The following ADCK2 variants were observed in gnomAD, a reference collection of about 807,000 sequenced individuals.
The protein encoded by ADCK2 is uncharacterized aarF domain-containing protein kinase 2.
In ADCK2, 37 loss-of-function variants were observed where a neutral mutation model predicts 52.3. The ratio of observed to expected loss-of-function variants is 0.71; its 90% CI spans 0.54 to 0.93. The LOEUF (loss-of-function observed/expected upper bound fraction) is 0.93, where lower values mean the gene tolerates loss of function less well. Among genes scored for constraint, ADCK2 ranks in the 40% least tolerant of loss-of-function variants. ADCK2 has a pLI of 0.00. For missense variants in ADCK2, 695 were observed against 798.7 expected (o/e 0.87, Z 1.56); for synonymous variants, 321 against 349.2 (o/e 0.92, Z 0.90).
chr7:140,677,711 C>T (rs887331015), intron 2 of ADCK2, among the ~76,000 whole-genome samples: 1 of 152,106 alleles, frequency 6.6e-6, no homozygotes, highest in Non-Finnish European at 1.5e-5. Flanking sequence ...GAGGGAGGCC[C>T]TGGAAGCAAT....
intron 6 of ADCK2, 98 bp from the exon 7 acceptor site, chr7:140,690,662 T>G (rs1196698634): frequency 3.9e-5 from 38 of 973,336 alleles, no homozygotes; most frequent in African/African-American, 1.1e-4. Flanking sequence ...GGCGGGGGAG[T>G]GGGGTGGGAT....
intron 4 of ADCK2, among the ~76,000 whole-genome samples, chr7:140,683,992 G>A (rs187386887): frequency 7.9e-4 from 120 of 152,310 alleles, no homozygotes; most frequent in Non-Finnish European, 8.8e-5. Context: ...GGCCATGGGA[G>A]AGGAGGTTTA....
rs919362910 is a variant in ADCK2, at chr7:140,674,449, G to A, written c.934-162G>A. Reference sequence around the variant, plus strand: ...TGTGAATAGTCTGATAGAGGAAAATGAACTGAGTCTGGAGTGAACTAACTG... The same window carrying A: ...TGTGAATAGTCTGATAGAGGAAAATAAACTGAGTCTGGAGTGAACTAACTG... On this transcript the variant is annotated intron_variant, in intron 1 of 7. Transcript: ENST00000072869. The surrounding 1 kb of genome is among the most constrained non-coding windows in gnomAD (Gnocchi z 4.6). The A allele has an allele frequency of 5.4e-6, 6 of 1,117,608 alleles. No homozygotes were observed. The African/African-American group carries it at 7.9e-5, about 15-fold the overall frequency. The allele number at this position is 1,117,608 out of a possible 1,614,324, so 69.2% of individuals were successfully genotyped here.
chr7:140,689,576 CTTTTCCGTTGCA>C lies in ADCK2; in HGVS notation c.1558-14_1558-3del. 1 of 1,583,816 alleles carries C rather than the reference CTTTTCCGTTGCA, an allele frequency of 6.3e-7. No individual in the cohort carries two copies. Among genetic ancestry groups the C allele is most frequent in the South Asian group, 1.1e-5 (1 of 87,936 alleles). ...TTTATGCTAGCTCCACTCCAAGTCC[CTTTTCCGTTGCA>C]TTTTCCAGGGCCAGAGAGTGGCTGA... On this transcript the variant is annotated splice_polypyrimidine_tract_variant and intron_variant, in intron 5 of 7. Transcript: ENST00000072869.
chr7:140,679,319 CTT>C, intron 3 of ADCK2, 36 bp downstream of exon 3: 1 of 1,610,876 alleles, frequency 6.2e-7, no homozygotes, highest in South Asian at 1.1e-5. Flanking sequence ...ATACCTTTCA[CTT>C]GCCACTCGCA....
At chr7:140,680,857 G>A (rs1468943007) in intron 3 of ADCK2, among the ~76,000 whole-genome samples, 185 bp from the exon 4 acceptor site, 2 of 152,040 alleles carry the variant, frequency 1.3e-5, no homozygotes, top group African/African-American at 4.8e-5. Flanking sequence ...ATCCTCCCAA[G>A]GTGCTAGGAT....
Position 140,674,158 on chromosome 7 carries a change from GCTC to G in ADCK2, c.833_835del (p.Leu278del), listed in dbSNP as rs763002037. 1.9e-6 allele frequency: 3 copies of G among 1,614,094 alleles called. No homozygotes were observed. The South Asian group carries it at 3.3e-5, about 18-fold the overall frequency. ...CAGACCAGTCGTTTCTAGAAAGGCT[GCTC>G]CTCCCTAAAGCTGACCTGGTTGGAT... On this transcript the variant is annotated inframe_deletion, in exon 1 of 8. Transcript: ENST00000072869. The surrounding 1 kb of genome is among the most constrained non-coding windows in gnomAD (Gnocchi z 4.6).
Position 140,673,371 on chromosome 7 carries a change from C to A in ADCK2, c.41C>A (p.Ser14Ter), listed in dbSNP as rs1180209015. The change falls in exon 1 of 8, where the codon TCG becomes TAG. Residue 14 changes from serine to a stop codon, truncating the protein, a stop_gained. Transcript: ENST00000072869. LOFTEE classifies it high-confidence loss of function. The surrounding 1 kb of genome is among the most constrained non-coding windows in gnomAD (Gnocchi z 6.4). ...CGCGTCTCCGTCAGGGTTTGCCTGT[C>A]GCACCTGAGGTGCTTCGAGCTCAGA... ...PWRVSVRVCL[S>*]HLRCFELRQG... 6.6e-7 allele frequency: 1 copy of A among 1,505,902 alleles called. No homozygotes were observed. Among genetic ancestry groups the A allele is most frequent in the South Asian group, 1.3e-5 (1 of 77,064 alleles). 93.3% of individuals were successfully genotyped at this position (1,505,902 alleles called of 1,614,324 possible). A position where few individuals can be genotyped will look rare whatever the true frequency, so the allele number is the denominator to read the frequency against.
intron 2 of ADCK2, among the ~76,000 whole-genome samples, chr7:140,677,949 G>A (rs565363161): frequency 6.6e-6 from 1 of 152,314 alleles, no homozygotes; most frequent in African/African-American, 2.4e-5. Flanking sequence ...GCCAGGTCTT[G>A]GGTGGTAAAA....
At chr7:140,687,278 T>G (rs1794622600) in intron 5 of ADCK2, 37 bp downstream of exon 5, 12 of 1,512,876 alleles carry the variant, frequency 7.9e-6, no homozygotes, top group African/African-American at 1.4e-5. Flanking sequence ...TGGGGTGAAT[T>G]TTTTTTAATT....
At position 140,673,303 on chromosome 7, in the gene ADCK2, G is replaced by C; in HGVS notation, c.-28G>C. On this transcript the variant is annotated 5_prime_UTR_variant, in exon 1 of 8. Coordinates refer to ENST00000072869, the MANE Select transcript of ADCK2 (RefSeq NM_052853.4). This position sits in a 1 kb window ranked among gnomAD's most constrained non-coding sequence, Gnocchi z 6.4. ...GCGGGCGCCTCTGAAGTGGAGGGCG[G>C]GCCGCCTGGGCCGCGGGCCTCGGGA... The C allele has an allele frequency of 1.4e-6, 2 of 1,423,634 alleles. No individual in the cohort carries two copies. Among genetic ancestry groups the C allele is most frequent in the Non-Finnish European group, 1.8e-6 (2 of 1,089,096 alleles). The allele number at this position is 1,423,634 out of a possible 1,614,324, so 88.2% of individuals were successfully genotyped here. A position where few individuals can be genotyped will look rare whatever the true frequency, so the allele number is the denominator to read the frequency against.
At chr7:140,688,968 A>C (rs1794656464) in intron 5 of ADCK2, among the ~76,000 whole-genome samples, 1 of 151,936 alleles carries the variant, frequency 6.6e-6, no homozygotes, top group Non-Finnish European at 1.5e-5. Flanking sequence ...AAAATTAATT[A>C]ATTAATTTTT....
intron 3 of ADCK2, among the ~76,000 whole-genome samples, chr7:140,679,661 TC>T (rs1794482055): frequency 2.3e-5 from 3 of 132,642 alleles, no homozygotes; most frequent in South Asian, 2.5e-4. Flanking sequence ...GCCTTCTCTC[TC>T]TTTTTTTTTT....
Position 140,694,743 on chromosome 7 carries a change from A to C in ADCK2, c.1821A>C (p.Lys607Asn). 2.5e-6 allele frequency: 4 copies of C among 1,614,040 alleles called. No homozygotes were observed. Among genetic ancestry groups the C allele is most frequent in the Non-Finnish European group, 3.4e-6 (4 of 1,179,958 alleles). ...LEGLGRSLDP[K>N]LDILEAARPF... Reference sequence around the variant, plus strand: ...GGCTTGGCCGCTCACTGGACCCCAAACTGGACATCCTGGAGGCAGCGAGGC... The same window carrying C: ...GGCTTGGCCGCTCACTGGACCCCAACCTGGACATCCTGGAGGCAGCGAGGC... The change falls in exon 8 of 8, where the codon AAA becomes AAC. Residue 607 changes from lysine to asparagine, a missense_variant. Physicochemically the swap from Lys to Asn is moderately conservative, Grantham distance 94. Coordinates refer to ENST00000072869, the MANE Select transcript of ADCK2 (RefSeq NM_052853.4).
chr7:140,681,371 G>A (rs1420234763), intron 4 of ADCK2, among the ~76,000 whole-genome samples: 1 of 151,736 alleles, frequency 6.6e-6, no homozygotes, highest in Non-Finnish European at 1.5e-5. Context: ...AGGCTGGAGT[G>A]CGGTGGCGTG....
At chr7:140,692,638 C>T (rs554097896) in intron 7 of ADCK2, among the ~76,000 whole-genome samples, 22 of 152,348 alleles carry the variant, frequency 1.4e-4, no homozygotes, top group African/African-American at 4.8e-4. Flanking sequence ...CGATGACAGG[C>T]GTGAGCCACC....
rs764807562 is a variant in ADCK2 at position 140,673,911 on chromosome 7, G to A, written c.581G>A (p.Trp194Ter). The A allele has an allele frequency of 3.1e-6, 5 of 1,613,828 alleles. No homozygotes were observed. Among genetic ancestry groups the A allele is most frequent in the Non-Finnish European group, 4.2e-6 (5 of 1,180,040 alleles). The change falls in exon 1 of 8, where the codon TGG becomes TAG. Residue 194 changes from tryptophan (W) to a stop codon, truncating the protein, a stop_gained. Coordinates refer to ENST00000072869, the MANE Select transcript of ADCK2 (RefSeq NM_052853.4). LOFTEE classifies it high-confidence loss of function. The surrounding 1 kb of genome is among the most constrained non-coding windows in gnomAD (Gnocchi z 6.4). ...RFLRQAFGDD[W>*]GSILSFENRE... ...CTTCGGCAGGCTTTTGGGGATGACT[G>A]GGGGAGCATCCTCTCTTTTGAGAAC...
At chr7:140,692,860 C>T (rs1296460186) in intron 7 of ADCK2, among the ~76,000 whole-genome samples, 2 of 152,158 alleles carry the variant, frequency 1.3e-5, no homozygotes, top group African/African-American at 4.8e-5. Context: ...AACATATGCC[C>T]CAAAGTAGGT....
At chr7:140,684,077 G>A (rs1289394501) in intron 4 of ADCK2, among the ~76,000 whole-genome samples, 1 of 152,162 alleles carries the variant, frequency 6.6e-6, no homozygotes, top group Admixed American at 6.6e-5. Context: ...TGGTTGTCAG[G>A]AGGGGCAAGC....
Sources: allele counts gnomAD v4.1 joint callset (sites outside exome capture counted in the v4.1 genomes callset), GRCh38; gene constraint gnomAD v4.1.1; non-coding constraint Gnocchi (gnomAD v3.1); transcripts MANE v1.5; gene names NCBI Gene and HGNC (gene_info 2026-07-23, HGNC 2026-07-21).